NEK1: variants seen among roughly 807,000 people sequenced by gnomAD.
NEK1 encodes serine/threonine-protein kinase Nek1.
Under a neutral mutation model 182.1 loss-of-function variants are expected in NEK1, and 137 were observed. The observed-to-expected ratio is 0.75, with a 90% CI of 0.65 to 0.87. NEK1 has a LOEUF of 0.87. Among genes scored for constraint, NEK1 ranks in the 40% least tolerant of loss-of-function variants. NEK1 has a pLI of 0.00. For synonymous variants in NEK1, 513 were observed against 492.2 expected, an observed-to-expected ratio of 1.04 and a Z score of -0.56; for missense variants, 1,391 against 1,494.4, an observed-to-expected ratio of 0.93 and a Z score of 1.14.
At chr4:169,532,285 G>A (rs1213508814) in intron 19 of NEK1, among the ~76,000 whole-genome samples, 1 of 152,132 alleles carries the variant, frequency 6.6e-6, no homozygotes, top group East Asian at 1.9e-4. Context: ...CTCTTGTATG[G>A]TAGCCTGGGT....
At chr4:169,445,074 A>G (rs940059714) in intron 27 of NEK1, among the ~76,000 whole-genome samples, 1 of 152,172 alleles carries the variant, frequency 6.6e-6, no homozygotes, top group Non-Finnish European at 1.5e-5. Context: ...AACACAACAA[A>G]CCAAAATCTA....
chr4:169,606,614 C>T (rs1219937609), intron 2 of NEK1, among the ~76,000 whole-genome samples: 7 of 152,156 alleles, frequency 4.6e-5, no homozygotes, highest in Non-Finnish European at 1.0e-4. Context: ...CTCTCCCAGT[C>T]AGATAAGTAC....
chr4:169,404,952 A>G (rs1732331147), intron 32 of NEK1, among the ~76,000 whole-genome samples: 1 of 152,152 alleles, frequency 6.6e-6, no homozygotes, highest in Non-Finnish European at 1.5e-5. Flanking sequence ...TTACATGCAG[A>G]AAACATGTGT....
chr4:169,472,423 C>T (rs1746174719), intron 26 of NEK1, among the ~76,000 whole-genome samples: 1 of 152,178 alleles, frequency 6.6e-6, no homozygotes, highest in African/African-American at 2.4e-5. Context: ...CCAGGTGAGG[C>T]AACGCCCCAC....
At chr4:169,405,281 A>T (rs1160365816) in intron 32 of NEK1, among the ~76,000 whole-genome samples, 1 of 152,206 alleles carries the variant, frequency 6.6e-6, no homozygotes, top group Non-Finnish European at 1.5e-5. Flanking sequence ...ACAGCATATG[A>T]CTGTACTCAG....
intron 26 of NEK1, among the ~76,000 whole-genome samples, chr4:169,466,763 A>G (rs1745004693): frequency 6.6e-6 from 1 of 152,140 alleles, no homozygotes; most frequent in Non-Finnish European, 1.5e-5. Flanking sequence ...CACAAAAGAA[A>G]TGAAAACTAC....
chr4:169,399,161 C>G (rs754792467), intron 35 of NEK1, among the ~76,000 whole-genome samples: 46 of 152,248 alleles, frequency 3.0e-4, no homozygotes, highest in Admixed American at 9.8e-4. Flanking sequence ...AGGAGAATCA[C>G]TTGAACCCAG....
At chr4:169,558,430 A>T (rs1184414308) in intron 16 of NEK1, among the ~76,000 whole-genome samples, 39 of 152,234 alleles carry the variant, frequency 2.6e-4, no homozygotes, top group Admixed American at 2.6e-3. Context: ...GTTCCTTTGC[A>T]GTAAATGCTC....
In NEK1 at chr4:169,526,948, T is replaced by C. The variant is rs191894317; in HGVS notation, c.1665+10861A>G. On this transcript the variant is annotated intron_variant, in intron 19 of 35. Transcript: ENST00000507142. ...GACAAGTTTGGTGTAATCCATAACC[T>C]TGTAAATTCAAGAAACTAGCAAACC... 5.0e-4 allele frequency among the ~76,000 whole-genome samples: 76 copies of C among 152,284 alleles called. 3 individuals carry two copies. The East Asian group carries it at 0.013, about 25-fold the overall frequency.
At chr4:169,495,341 T>G (rs1751016729) in intron 23 of NEK1, among the ~76,000 whole-genome samples, 1 of 149,986 alleles carries the variant, frequency 6.7e-6, no homozygotes. Context: ...CCTCCCGGGT[T>G]CACGCCATTC....
intron 19 of NEK1, among the ~76,000 whole-genome samples, chr4:169,533,270 A>AT (rs1164216697): frequency 1.3e-5 from 2 of 152,208 alleles, no homozygotes; most frequent in African/African-American, 4.8e-5. Flanking sequence ...AAAGGACAGA[A>AT]TATCAGTATG....
At chr4:169,507,234 C>A in intron 22 of NEK1, 102 bp from the exon 23 acceptor site, 2 of 722,260 alleles carry the variant, frequency 2.8e-6, no homozygotes, top group African/African-American at 1.9e-5. Flanking sequence ...ACTTATTAGC[C>A]AAAAAAGAAG....
chr4:169,518,398 TTTTC>T (rs1374798401), intron 19 of NEK1, among the ~76,000 whole-genome samples: 28 of 139,516 alleles, frequency 2.0e-4, no homozygotes, highest in Non-Finnish European at 2.9e-4. Context: ...TTCTCTCTTT[TTTTC>T]TTTATTAGTC....
At chr4:169,436,355 G>A (rs1738411749) in intron 28 of NEK1, among the ~76,000 whole-genome samples, 1 of 152,068 alleles carries the variant, frequency 6.6e-6, no homozygotes, top group Non-Finnish European at 1.5e-5. Flanking sequence ...GAAATTGGAA[G>A]GGCTTCAATG....
intron 5 of NEK1, among the ~76,000 whole-genome samples, chr4:169,591,501 C>A (rs1768506268): frequency 6.6e-6 from 1 of 151,868 alleles, no homozygotes; most frequent in African/African-American, 2.4e-5. Flanking sequence ...ATATAAAAAT[C>A]ACAAAAGGAA....
chr4:169,436,045 A>C (rs1016653831), intron 28 of NEK1, among the ~76,000 whole-genome samples: 1 of 152,138 alleles, frequency 6.6e-6, no homozygotes, highest in Non-Finnish European at 1.5e-5. Context: ...CTGGGATTAC[A>C]GGCATGCACC....
intron 24 of NEK1, among the ~76,000 whole-genome samples, chr4:169,478,980 T>C (rs1747480871): frequency 6.6e-6 from 1 of 152,152 alleles, no homozygotes; most frequent in Non-Finnish European, 1.5e-5. Context: ...CCTCTAACAT[T>C]TGCCATGTCA....
At chr4:169,468,909 G>C (rs892305257) in intron 26 of NEK1, among the ~76,000 whole-genome samples, 1 of 152,180 alleles carries the variant, frequency 6.6e-6, no homozygotes, top group Non-Finnish European at 1.5e-5. Context: ...TTTGCATAGA[G>C]GTGTTTATAG....
intron 27 of NEK1, among the ~76,000 whole-genome samples, chr4:169,441,661 A>G (rs779920637): frequency 6.6e-6 from 1 of 152,200 alleles, no homozygotes; most frequent in Non-Finnish European, 1.5e-5. Context: ...AGCATCATCC[A>G]GGGGCACAGG....
Sources: gnomAD v4.1 joint callset for allele counts (sites outside exome capture counted in the v4.1 genomes callset) on GRCh38, gnomAD v4.1.1 for gene constraint, MANE v1.5 for transcripts, NCBI Gene and HGNC (gene_info 2026-07-23, HGNC 2026-07-21) for gene names.